NHSL1: variants seen among roughly 807,000 people sequenced by gnomAD.
NHSL1 encodes the protein NHS like 1.
Under a neutral mutation model 95.0 loss-of-function variants are expected in NHSL1, and 48 were observed. The ratio of observed to expected loss-of-function variants is 0.51; its 90% CI spans 0.40 to 0.64. The LOEUF (loss-of-function observed/expected upper bound fraction) is 0.64. Ranked by LOEUF, NHSL1 falls within the 30% of genes least tolerant of loss-of-function variation. The pLI is 0.00. For missense variants in NHSL1, 1,971 were observed against 2,077.7 expected (o/e 0.95, Z 1.00); for synonymous variants, 783 against 833.9 (o/e 0.94, Z 1.05).
intron 1 of NHSL1, among the ~76,000 whole-genome samples, chr6:138,602,534 G>A (rs1347357550): frequency 2.0e-5 from 3 of 152,044 alleles, no homozygotes; most frequent in African/African-American, 7.2e-5. Context: ...TAGAGAAGGG[G>A]TTTCACCATG....
chr6:138,536,350 C>A (rs565880827), intron 1 of NHSL1, among the ~76,000 whole-genome samples: 2 of 152,152 alleles, frequency 1.3e-5, no homozygotes, highest in East Asian at 3.9e-4. Context: ...TTTGCCATAC[C>A]AACCAACATT....
chr6:138,498,965 T>C (rs1780516705), intron 1 of NHSL1, among the ~76,000 whole-genome samples: 1 of 152,142 alleles, frequency 6.6e-6, no homozygotes, highest in South Asian at 2.1e-4. Context: ...AAAACCCCAA[T>C]CATAAATAAA....
At chr6:138,592,075 T>C (rs1784237834) in intron 1 of NHSL1, among the ~76,000 whole-genome samples, 1 of 152,220 alleles carries the variant, frequency 6.6e-6, no homozygotes, top group Admixed American at 6.5e-5. Flanking sequence ...AAATGCATTC[T>C]CATAGCTATA....
At chr6:138,655,673 T>C (rs2114719679) in intron 1 of NHSL1, among the ~76,000 whole-genome samples, 1 of 152,270 alleles carries the variant, frequency 6.6e-6, no homozygotes, top group East Asian at 1.9e-4. Flanking sequence ...TTTATTTTCA[T>C]AACTTTGAAA....
intron 1 of NHSL1, among the ~76,000 whole-genome samples, chr6:138,640,131 A>G (rs1009858304): frequency 5.3e-5 from 8 of 152,112 alleles, no homozygotes; most frequent in African/African-American, 1.9e-4. Flanking sequence ...TTGTCTAGAA[A>G]AAGTATGGAT....
rs1353480393 is a variant in NHSL1, at chr6:138,661,820, A to T, written c.96+30656T>A. Reference sequence around the variant, plus strand: ...GGTGGCTCATGCCTATTATCCCAGCACTTTGAGAGGCTGAGGTGGGAAGAC... The same window carrying T: ...GGTGGCTCATGCCTATTATCCCAGCTCTTTGAGAGGCTGAGGTGGGAAGAC... On this transcript the variant is annotated intron_variant, in intron 1 of 3. Coordinates refer to the NHSL1 transcript ENST00000491526. 3.3e-5 allele frequency among the ~76,000 whole-genome samples: 5 copies of T among 152,186 alleles called. No homozygotes were observed. In the East Asian group the frequency reaches 9.6e-4, roughly 29 times the overall value.
At chr6:138,569,631 C>A (rs2114417787) in intron 1 of NHSL1, among the ~76,000 whole-genome samples, 2 of 152,234 alleles carry the variant, frequency 1.3e-5, no homozygotes, top group East Asian at 1.9e-4. Flanking sequence ...GAAGACTTTT[C>A]CTCTTTTGAT....
At chr6:138,528,109 A>G (rs1238955281) in intron 1 of NHSL1, among the ~76,000 whole-genome samples, 1 of 152,232 alleles carries the variant, frequency 6.6e-6, no homozygotes, top group Non-Finnish European at 1.5e-5. Context: ...GATTGTGGAG[A>G]GAAAGCAAGT....
intron 3 of NHSL1, among the ~76,000 whole-genome samples, chr6:138,453,681 G>A (rs1176206814): frequency 5.9e-5 from 9 of 152,010 alleles, no homozygotes; most frequent in Admixed American, 2.6e-4. Flanking sequence ...CGAGTAACTA[G>A]GATGACCGGC....
intron 1 of NHSL1, among the ~76,000 whole-genome samples, chr6:138,622,572 A>G (rs1328155916): frequency 6.6e-6 from 1 of 152,236 alleles, no homozygotes; most frequent in Non-Finnish European, 1.5e-5. Flanking sequence ...AAATAAAACA[A>G]AAGTGGGGGC....
intron 1 of NHSL1, among the ~76,000 whole-genome samples, chr6:138,587,408 C>T (rs1440504135): frequency 2.0e-5 from 3 of 150,550 alleles, no homozygotes; most frequent in Non-Finnish European, 3.0e-5. Context: ...ATGGTGAAAC[C>T]CCATCTCTAC....
At chr6:138,652,440 CA>C (rs898637244) in intron 1 of NHSL1, among the ~76,000 whole-genome samples, 5,820 of 86,500 alleles carry the variant, frequency 0.067, 347 homozygotes, top group African/African-American at 0.21. Context: ...AACTCTATCT[CA>C]AAAAAAAAAA....
At position 138,629,026 on chromosome 6, in the gene NHSL1, C is replaced by T. The variant is rs567630469; in HGVS notation, c.96+63450G>A. ...TGCTCAACTACTTTCAGTCATTCCA[C>T]GCCAGCCTCTGAGAGGCACAGGCAG... On this transcript the variant is annotated intron_variant, in intron 1 of 3. Coordinates refer to the NHSL1 transcript ENST00000491526. Among the ~76,000 whole-genome samples the T allele has an allele frequency of 2.5e-4, 38 of 152,342 alleles. No individual in the cohort carries two copies. The South Asian group carries it at 4.3e-3, about 17-fold the overall frequency.
At chr6:138,441,959 G>T in intron 5 of NHSL1, 24 bp downstream of exon 5, 1 of 1,539,524 alleles carries the variant, frequency 6.5e-7, no homozygotes, top group Non-Finnish European at 8.8e-7. Context: ...AAGGGCAACA[G>T]AATACAGTTC....
intron 2 of NHSL1, among the ~76,000 whole-genome samples, chr6:138,490,438 A>G (rs1277047194): frequency 6.6e-6 from 1 of 152,124 alleles, no homozygotes; most frequent in Non-Finnish European, 1.5e-5. Context: ...AAGACAGACA[A>G]GCACCCTCAT....
chr6:138,620,405 A>G (rs988681337), intron 1 of NHSL1, among the ~76,000 whole-genome samples: 1 of 152,244 alleles, frequency 6.6e-6, no homozygotes, highest in Admixed American at 6.5e-5. Context: ...ACAATTATTT[A>G]TAACATTAGT....
At position 138,432,549 on chromosome 6, in the gene NHSL1, A is replaced by G. The variant is rs2128200905; in HGVS notation, c.1796T>C (p.Leu599Pro). 1.9e-6 allele frequency: 3 copies of G among 1,552,088 alleles called. No individual in the cohort carries two copies. Among genetic ancestry groups the G allele is most frequent in the Non-Finnish European group, 2.6e-6 (3 of 1,147,052 alleles). ...QTSNKEDAGS[L>P]YSEDHDGYCA... ...GTAGCCATCGTGGTCCTCAGAATACAGCGACCCAGCATCCTCTTTGTTGGA... is the reference window on the plus strand; with the variant it reads ...GTAGCCATCGTGGTCCTCAGAATACGGCGACCCAGCATCCTCTTTGTTGGA... Residue 599 changes from leucine to proline, a missense_variant, in exon 6 of 8, where the codon CTG (leucine) becomes CCG (proline). Around this residue, in one of 3 missense-constraint regions of NHSL1, gnomAD observed 1,602 missense variants for 1,654.5 expected, o/e 0.97. Transcript: ENST00000343505. This position sits in a 1 kb window ranked among gnomAD's most constrained non-coding sequence, Gnocchi z 4.4.
At chr6:138,445,854 C>T (rs1007094438) in intron 4 of NHSL1, among the ~76,000 whole-genome samples, 1 of 152,154 alleles carries the variant, frequency 6.6e-6, no homozygotes, top group Non-Finnish European at 1.5e-5. Context: ...AAGGGCCCTG[C>T]TTTGTATGAC....
chr6:138,614,195 C>A (rs556968366), intron 1 of NHSL1, among the ~76,000 whole-genome samples: 16 of 152,272 alleles, frequency 1.1e-4, no homozygotes, highest in South Asian at 2.1e-4. Context: ...CTCAGGAAAT[C>A]TCTTTATAAA....
Sources: gnomAD v4.1 joint callset for allele counts (sites outside exome capture counted in the v4.1 genomes callset) on GRCh38, gnomAD v4.1.1 for gene constraint, gnomAD v4.1.1 regional missense constraint, Gnocchi (gnomAD v3.1) non-coding constraint, MANE v1.5 for transcripts, NCBI Gene and HGNC (gene_info 2026-07-23, HGNC 2026-07-21) for gene names.